Variants in RASSF3 observed in about 807,000 individuals in gnomAD.
RASSF3 encodes the protein ras association domain-containing protein 3.
A neutral mutation model predicts 19.9 loss-of-function variants in RASSF3; 19 were observed. The observed-to-expected ratio is 0.96, with a 90% CI of 0.67 to 1.40. The LOEUF (loss-of-function observed/expected upper bound fraction) is 1.40, where lower values mean the gene tolerates loss of function less well. Among genes scored for constraint, RASSF3 ranks in the 40% most tolerant of loss-of-function variants. RASSF3 has a pLI of 0.00. For missense variants in RASSF3, 306 were observed against 289.8 expected, an observed-to-expected ratio of 1.06 and a Z score of -0.41; for synonymous variants, 110 against 104.2, an observed-to-expected ratio of 1.06 and a Z score of -0.34.
intron 2 of RASSF3, among the ~76,000 whole-genome samples, chr12:64,565,441 G>A (rs767515353): frequency 1.6e-4 from 25 of 152,126 alleles, no homozygotes; most frequent in Non-Finnish European, 2.9e-4. Flanking sequence ...GGCCAGGTGC[G>A]GTGGCTCATG....
chr12:64,546,928 C>T (rs1183962591), intron 2 of RASSF3, among the ~76,000 whole-genome samples: 1 of 152,132 alleles, frequency 6.6e-6, no homozygotes, highest in Non-Finnish European at 1.5e-5. Context: ...ACCACAAAAA[C>T]CATTCCCTCA....
chr12:64,682,611 G>C (rs1235878232), intron 1 of RASSF3, among the ~76,000 whole-genome samples: 2 of 150,664 alleles, frequency 1.3e-5, no homozygotes, highest in Admixed American at 6.6e-5. Flanking sequence ...TTTGTAGTCA[G>C]CACACCCCTC....
chr12:64,550,572 C>T (rs1172628171), intron 2 of RASSF3, among the ~76,000 whole-genome samples: 1 of 151,874 alleles, frequency 6.6e-6, no homozygotes, highest in African/African-American at 2.4e-5. Context: ...AGGAGATTCG[C>T]TTGAACCCGG....
chr12:64,685,972 G>T (rs1241436752), intron 2 of RASSF3, among the ~76,000 whole-genome samples: 2 of 152,148 alleles, frequency 1.3e-5, no homozygotes, highest in Non-Finnish European at 2.9e-5. Flanking sequence ...AGGACAAGGT[G>T]ATTGGTTTAA....
chr12:64,573,915 C>T (rs971461190), intron 2 of RASSF3, among the ~76,000 whole-genome samples: 17 of 152,088 alleles, frequency 1.1e-4, no homozygotes, highest in African/African-American at 3.9e-4. Flanking sequence ...GGCTGCCCAC[C>T]ACAGCAAGGT....
chr12:64,572,445 C>T (rs888742257), intron 2 of RASSF3, among the ~76,000 whole-genome samples: 3 of 152,140 alleles, frequency 2.0e-5, no homozygotes, highest in Non-Finnish European at 4.4e-5. Flanking sequence ...CATGCTGGTA[C>T]CCTGATCTTG....
downstream of RASSF3, among the ~76,000 whole-genome samples, chr12:64,543,384 G>C (rs1309447467): frequency 1.4e-5 from 2 of 146,224 alleles, no homozygotes; most frequent in African/African-American, 5.0e-5. Context: ...CAGGGCTCGG[G>C]ACCTGCAGCC....
intron 1 of RASSF3, among the ~76,000 whole-genome samples, chr12:64,521,788 T>G (rs1169584282): frequency 2.0e-5 from 3 of 152,202 alleles, no homozygotes; most frequent in African/African-American, 7.2e-5. Context: ...AGGAGAGGTT[T>G]CAGGAGCTCA....
At chr12:64,535,812 C>T (rs1015146880) in intron 1 of RASSF3, among the ~76,000 whole-genome samples, 55 of 151,272 alleles carry the variant, frequency 3.6e-4, no homozygotes, top group Admixed American at 4.0e-4. Flanking sequence ...CCCAGCCTCC[C>T]GAGTAGCTGG....
chr12:64,535,336 A>T (rs1474876607), intron 1 of RASSF3, among the ~76,000 whole-genome samples: 1 of 152,024 alleles, frequency 6.6e-6, no homozygotes, highest in African/African-American at 2.4e-5. Flanking sequence ...AACAAAATAA[A>T]CAACATTTAC....
chr12:64,625,215 TTTA>T (rs908868286), intron 1 of RASSF3, among the ~76,000 whole-genome samples: 6 of 151,818 alleles, frequency 4.0e-5, no homozygotes, highest in South Asian at 2.1e-4. Flanking sequence ...GGAGGATTAA[TTTA>T]TTATTATTAT....
intron 1 of RASSF3, among the ~76,000 whole-genome samples, chr12:64,638,196 A>G (rs1204673311): frequency 6.6e-6 from 1 of 152,202 alleles, no homozygotes; most frequent in Admixed American, 6.5e-5. Flanking sequence ...TTGAACTATT[A>G]TGTTGTAAAT....
chr12:64,685,785 G>A (rs1873328009), intron 2 of RASSF3, among the ~76,000 whole-genome samples: 1 of 152,198 alleles, frequency 6.6e-6, no homozygotes, highest in Non-Finnish European at 1.5e-5. Flanking sequence ...AGGGAAACGA[G>A]CTGACAGCGG....
chr12:64,636,601 C>T (rs1325366249), intron 1 of RASSF3, among the ~76,000 whole-genome samples: 1 of 152,026 alleles, frequency 6.6e-6, no homozygotes, highest in African/African-American at 2.4e-5. Flanking sequence ...CGCGGTGGCT[C>T]ACGCCTGTAA....
intron 2 of RASSF3, among the ~76,000 whole-genome samples, chr12:64,561,804 T>C (rs910406951): frequency 1.3e-5 from 2 of 149,836 alleles, no homozygotes; most frequent in Admixed American, 1.4e-4. Flanking sequence ...ATGATTCTTG[T>C]GTCTCAGCCT....
chr12:64,584,304 A>G (rs972378298), intron 2 of RASSF3, among the ~76,000 whole-genome samples: 5 of 152,120 alleles, frequency 3.3e-5, no homozygotes, highest in Admixed American at 3.3e-4. Flanking sequence ...TGAACATTTA[A>G]TTATGCTGAT....
intron 1 of RASSF3, among the ~76,000 whole-genome samples, chr12:64,525,339 G>A (rs1230086115): frequency 6.6e-6 from 1 of 152,188 alleles, no homozygotes; most frequent in African/African-American, 2.4e-5. Context: ...TTTCTACTCT[G>A]AATTGCAGAT....
intron 1 of RASSF3, among the ~76,000 whole-genome samples, chr12:64,516,827 C>G: frequency 6.6e-6 from 1 of 151,358 alleles, no homozygotes; most frequent in South Asian, 2.1e-4. Context: ...TGGTGAAACC[C>G]CATCTCTACT....
At chr12:64,540,825 G>A (rs1018707050) in intron 1 of RASSF3, among the ~76,000 whole-genome samples, 14 of 151,640 alleles carry the variant, frequency 9.2e-5, no homozygotes, top group Admixed American at 5.9e-4. Context: ...AGGCTGGAGT[G>A]CAGTGGTTGA....
Sources: gnomAD v4.1 joint callset for allele counts (sites outside exome capture counted in the v4.1 genomes callset) on GRCh38, gnomAD v4.1.1 for gene constraint, MANE v1.5 for transcripts, NCBI Gene and HGNC (gene_info 2026-07-23, HGNC 2026-07-21) for gene names.